The following SEC24D variants were observed in gnomAD, a reference collection of about 807,000 sequenced individuals.
The protein encoded by SEC24D is SEC24 homolog D, COPII component, also known as protein transport protein Sec24D.
In SEC24D, 69 loss-of-function variants were observed where a neutral mutation model predicts 116.9. The ratio of observed to expected loss-of-function variants is 0.59; its 90% CI spans 0.49 to 0.72. SEC24D has a LOEUF of 0.72. Among genes scored for constraint, SEC24D ranks in the 30% least tolerant of loss-of-function variants. SEC24D has a pLI of 0.00. For missense variants in SEC24D, 1,131 were observed against 1,264.1 expected (o/e 0.89, Z 1.60); for synonymous variants, 405 against 442.8 (o/e 0.91, Z 1.07).
At chr4:118,796,211 GA>G (rs750921940) in intron 8 of SEC24D, among the ~76,000 whole-genome samples, 3 of 152,132 alleles carry the variant, frequency 2.0e-5, no homozygotes, top group Non-Finnish European at 2.9e-5. Context: ...ACACAATGTT[GA>G]AAATAGCTTT....
chr4:118,782,012 C>G (rs1413106717), intron 8 of SEC24D, among the ~76,000 whole-genome samples: 1 of 152,130 alleles, frequency 6.6e-6, no homozygotes, highest in Non-Finnish European at 1.5e-5. Flanking sequence ...TTTTAGCTTC[C>G]TTGCGATGGG....
At chr4:118,788,581 A>T (rs1728753108) in intron 8 of SEC24D, among the ~76,000 whole-genome samples, 1 of 152,250 alleles carries the variant, frequency 6.6e-6, no homozygotes, top group African/African-American at 2.4e-5. Context: ...AACTGAGTTA[A>T]TTCTCCCACA....
chr4:118,770,402 A>G (rs1727844180), intron 8 of SEC24D, among the ~76,000 whole-genome samples: 1 of 152,206 alleles, frequency 6.6e-6, no homozygotes, highest in South Asian at 2.1e-4. Flanking sequence ...GAAGACAACA[A>G]ATATGTGCTG....
intron 6 of SEC24D, among the ~76,000 whole-genome samples, chr4:118,808,538 T>C (rs534535459): frequency 1.6e-3 from 245 of 152,322 alleles, no homozygotes; most frequent in Non-Finnish European, 3.1e-3. Flanking sequence ...AAGAAAAGAA[T>C]GGGAGATTAA....
At chr4:118,794,313 T>G (rs1179889129) in intron 8 of SEC24D, among the ~76,000 whole-genome samples, 2 of 152,232 alleles carry the variant, frequency 1.3e-5, no homozygotes, top group Non-Finnish European at 2.9e-5. Context: ...ACTCTAGTTT[T>G]GGGTGTGAAC....
At chr4:118,812,736 C>A (rs1477207747) in intron 6 of SEC24D, among the ~76,000 whole-genome samples, 1 of 152,152 alleles carries the variant, frequency 6.6e-6, no homozygotes, top group East Asian at 1.9e-4. Flanking sequence ...ATGTGTGATC[C>A]AATTCTTCCA....
At chr4:118,769,466 T>C (rs1236134512) in intron 8 of SEC24D, among the ~76,000 whole-genome samples, 2 of 152,148 alleles carry the variant, frequency 1.3e-5, no homozygotes, top group African/African-American at 4.8e-5. Flanking sequence ...AATTTTTCTT[T>C]ACTGAAAAAG....
At chr4:118,728,469 GA>G in intron 22 of SEC24D, 91 bp downstream of exon 22, 1 of 720,596 alleles carries the variant, frequency 1.4e-6, no homozygotes, top group South Asian at 2.0e-5. Flanking sequence ...TAAAATCAAA[GA>G]TCACGTCATA....
intron 6 of SEC24D, 146 bp from the exon 7 acceptor site, chr4:118,806,100 C>T (rs752430750): frequency 8.5e-6 from 5 of 589,450 alleles, no homozygotes; most frequent in South Asian, 2.1e-5. Context: ...CAGTCTCACA[C>T]ACTCACACAA....
chr4:118,820,900 G>A (rs1730374233), intron 3 of SEC24D, among the ~76,000 whole-genome samples: 1 of 152,100 alleles, frequency 6.6e-6, no homozygotes, highest in Non-Finnish European at 1.5e-5. Flanking sequence ...ACTACCAGAT[G>A]ATTAATAAAA....
chr4:118,752,162 A>G (rs2110456542), intron 12 of SEC24D, 73 bp from the exon 13 acceptor site: 1 of 992,148 alleles, frequency 1.0e-6, no homozygotes, highest in Non-Finnish European at 1.6e-6. Flanking sequence ...ATAAATCACT[A>G]ACATTTCAAG....
At chr4:118,752,615 A>G (rs543109046) in intron 12 of SEC24D, 82 bp downstream of exon 12, 1 of 929,096 alleles carries the variant, frequency 1.1e-6, no homozygotes, top group Non-Finnish European at 1.6e-6. Flanking sequence ...TGATAAAACA[A>G]TGTATGATTG....
Position 118,744,150 on chromosome 4 carries a change from GAAAAGTATCTGGAAAAAAGATGCA to G in SEC24D, c.1825-16_1832del, listed in dbSNP as rs1163646340. On this transcript the variant is annotated splice_acceptor_variant and splice_polypyrimidine_tract_variant and coding_sequence_variant and intron_variant, in exon 15 of 23. Transcript: ENST00000280551. LOFTEE classifies it high-confidence loss of function. ...AGTCATAGACATTTGTTTGGGGCTG[GAAAAGTATCTGGAAAAAAGATGCA>G]AAAAAAAAGAAAAAATAAAAATTAC... is the stretch of plus-strand genomic sequence containing the variant. 4 of 1,547,932 alleles carry G rather than the reference GAAAAGTATCTGGAAAAAAGATGCA, an allele frequency of 2.6e-6. No individual in the cohort carries two copies. The highest frequency in any genetic ancestry group is 3.5e-6 in the Non-Finnish European group (4 of 1,149,664).
chr4:118,733,156 C>G, intron 19 of SEC24D: 1 of 333,354 alleles, frequency 3.0e-6, no homozygotes, highest in Middle Eastern at 8.5e-4. Flanking sequence ...TCAGCACTAC[C>G]CACTCACTGC....
At chr4:118,753,799 T>C (rs941746830) in intron 11 of SEC24D, among the ~76,000 whole-genome samples, 5 of 152,176 alleles carry the variant, frequency 3.3e-5, no homozygotes, top group Admixed American at 2.6e-4. Context: ...TATTACATAG[T>C]GCTCAATGGT....
In SEC24D at chr4:118,740,882, A is replaced by T. The variant is rs1256982237; in HGVS notation, c.2092+59T>A. The T allele has an allele frequency of 1.9e-6, 3 of 1,598,178 alleles. No individual in the cohort carries two copies. In the East Asian group the frequency reaches 6.7e-5, roughly 36 times the overall value. On this transcript the variant is annotated intron_variant, in intron 16 of 22. Coordinates refer to ENST00000280551, the MANE Select transcript of SEC24D (RefSeq NM_014822.4). ...TATTTTCTTTGTTGGCCTGTTATTA[A>T]TTTGAAAAAGAAACAATTATTCAAG...
intron 2 of SEC24D, chr4:118,825,467 C>T: frequency 4.5e-6 from 2 of 440,472 alleles, no homozygotes; most frequent in Non-Finnish European, 9.0e-6. Context: ...TTGGAACTGT[C>T]TTCAGACATT....
chr4:118,782,707 G>A (rs1403333206), intron 8 of SEC24D, among the ~76,000 whole-genome samples: 3 of 152,242 alleles, frequency 2.0e-5, no homozygotes, highest in African/African-American at 7.2e-5. Flanking sequence ...GGACCCAGAG[G>A]TGGAGTCAAC....
chr4:118,808,979 C>CTTT (rs11393316), intron 6 of SEC24D, among the ~76,000 whole-genome samples: 6,364 of 147,554 alleles, frequency 0.043, 187 homozygotes, highest in Non-Finnish European at 0.063. Context: ...CACCCAACTT[C>CTTT]TTTTTTTTTT....
Sources: gnomAD v4.1 joint callset for allele counts (sites outside exome capture counted in the v4.1 genomes callset) on GRCh38, gnomAD v4.1.1 for gene constraint, MANE v1.5 for transcripts, NCBI Gene and HGNC (gene_info 2026-07-23, HGNC 2026-07-21) for gene names.